The following MAD1L1 variants were observed in gnomAD, a reference collection of about 807,000 sequenced individuals.
MAD1L1 encodes mitotic spindle assembly checkpoint protein MAD1.
In MAD1L1, 95 loss-of-function variants were observed where a neutral mutation model predicts 96.9. The observed-to-expected ratio is 0.98, with a 90% CI of 0.83 to 1.16. MAD1L1 has a LOEUF of 1.16. MAD1L1 is among the 50% of genes most tolerant of loss of function. The pLI is 0.00. For synonymous variants in MAD1L1, 473 were observed against 396.6 expected (o/e 1.19, Z -2.29); for missense variants, 1,007 against 954.4 (o/e 1.06, Z -0.73).
intron 15 of MAD1L1, among the ~76,000 whole-genome samples, chr7:1,979,110 C>T (rs1780777707): frequency 6.6e-6 from 1 of 152,224 alleles, no homozygotes; most frequent in African/African-American, 2.4e-5. Flanking sequence ...GAGGGGCCAT[C>T]CACAGGTGAA....
At chr7:2,223,795 C>A (rs565793353) in intron 4 of MAD1L1, among the ~76,000 whole-genome samples, 2 of 152,188 alleles carry the variant, frequency 1.3e-5, no homozygotes, top group South Asian at 4.1e-4. Flanking sequence ...CCAGTCCCAG[C>A]GCAGACAGGG....
At chr7:2,090,754 A>T (rs148329121) in intron 11 of MAD1L1, among the ~76,000 whole-genome samples, 1 of 152,244 alleles carries the variant, frequency 6.6e-6, no homozygotes, top group East Asian at 1.9e-4. Flanking sequence ...CAGCGTCCCC[A>T]TCATCCCTTG....
rs1387895844 is a variant in MAD1L1, at chr7:1,886,683, G to T, written c.1998+11517C>A. On this transcript the variant is annotated intron_variant, in intron 18 of 18. Coordinates refer to ENST00000265854, the MANE Select transcript of MAD1L1 (RefSeq NM_001013836.2). The stretch of plus-strand genomic sequence containing the variant: ...CCTGGGCCAGCCTGGCAGGAAGGAA[G>T]GCCTGAGCCTGGGCCTGTGATCTGG... Among the ~76,000 whole-genome samples the T allele has an allele frequency of 2.0e-5, 3 of 152,390 alleles. No homozygotes were observed. In the East Asian group the frequency reaches 5.8e-4, roughly 29 times the overall value.
intron 15 of MAD1L1, among the ~76,000 whole-genome samples, chr7:1,971,168 A>G (rs919637884): frequency 6.6e-6 from 1 of 152,220 alleles, no homozygotes; most frequent in Non-Finnish European, 1.5e-5. Context: ...AGATGCACGC[A>G]GTGCCATGCG....
chr7:1,944,804 C>A (rs1350849303), intron 16 of MAD1L1, among the ~76,000 whole-genome samples: 1 of 152,194 alleles, frequency 6.6e-6, no homozygotes, highest in Admixed American at 6.5e-5. Flanking sequence ...CAGGTGACGT[C>A]AGGGTGTGCC....
intron 11 of MAD1L1, among the ~76,000 whole-genome samples, chr7:2,100,067 G>C (rs944191542): frequency 2.0e-5 from 3 of 152,232 alleles, no homozygotes; most frequent in African/African-American, 4.8e-5. Flanking sequence ...AGGGACATGG[G>C]CATTTAATAA....
intron 12 of MAD1L1, among the ~76,000 whole-genome samples, chr7:2,032,220 G>T (rs894356990): frequency 2.0e-5 from 3 of 152,222 alleles, no homozygotes; most frequent in African/African-American, 7.2e-5. Context: ...ATTAAAAAAT[G>T]AACGAGTGAA....
chr7:2,158,400 T>A (rs1383123218), intron 10 of MAD1L1, among the ~76,000 whole-genome samples: 1 of 152,148 alleles, frequency 6.6e-6, no homozygotes, highest in Non-Finnish European at 1.5e-5. Flanking sequence ...GCCATCAAAC[T>A]AATTAGCAAA....
At position 2,191,316 on chromosome 7, in the gene MAD1L1, T is replaced by G. The variant is rs182420439; in HGVS notation, c.986+21896A>C. 3.7e-3 allele frequency among the ~76,000 whole-genome samples: 559 copies of G among 152,264 alleles called. 4 individuals carry two copies. The highest frequency in any genetic ancestry group is 0.031 in the South Asian group (151 of 4,820). On this transcript the variant is annotated intron_variant, in intron 10 of 18. Transcript: ENST00000265854. ...ACAGGCAGCATGAGTCCAGACACAA[T>G]AGCAAACAGCCCTCCTGGAAAAGTG... is the stretch of plus-strand genomic sequence containing the variant.
At chr7:2,177,226 A>G (rs564900764) in intron 10 of MAD1L1, among the ~76,000 whole-genome samples, 1 of 152,316 alleles carries the variant, frequency 6.6e-6, no homozygotes, top group East Asian at 1.9e-4. Context: ...AATTTCAATG[A>G]CCTAAAATGA....
intron 12 of MAD1L1, among the ~76,000 whole-genome samples, chr7:2,037,398 T>G (rs1783488130): frequency 6.6e-6 from 1 of 152,178 alleles, no homozygotes; most frequent in South Asian, 2.1e-4. Flanking sequence ...ATACTGTGCT[T>G]CTTACAAATG....
intron 18 of MAD1L1, among the ~76,000 whole-genome samples, chr7:1,880,484 G>T (rs1034537194): frequency 3.9e-5 from 6 of 152,176 alleles, no homozygotes; most frequent in African/African-American, 1.2e-4. Context: ...AAAGGGCCAT[G>T]GCCAGGCTGC....
rs974808858 is a variant in MAD1L1 at position 1,933,898 on chromosome 7, A to T, written c.1807+2789T>A. On this transcript the variant is annotated intron_variant, in intron 17 of 18. Coordinates refer to ENST00000265854, the MANE Select transcript of MAD1L1 (RefSeq NM_001013836.2). ...GCAGCCAGTTCCTGGGCTGCGTTGGAGTTTTGAGGTGTAACTCAGGCGGGT... is the reference window on the plus strand; with the variant it reads ...GCAGCCAGTTCCTGGGCTGCGTTGGTGTTTTGAGGTGTAACTCAGGCGGGT... Among the ~76,000 whole-genome samples, 8 of 152,028 alleles carry T rather than the reference A, an allele frequency of 5.3e-5. No individual in the cohort carries two copies. The East Asian group carries it at 5.8e-4, about 11-fold the overall frequency.
intron 12 of MAD1L1, among the ~76,000 whole-genome samples, chr7:2,044,682 C>G (rs1053454722): frequency 6.6e-6 from 1 of 152,186 alleles, no homozygotes; most frequent in Non-Finnish European, 1.5e-5. Context: ...TCTTCCTGTA[C>G]AGCGAGGGCG....
At chr7:2,152,252 C>G (rs1250117704) in intron 10 of MAD1L1, among the ~76,000 whole-genome samples, 3 of 152,338 alleles carry the variant, frequency 2.0e-5, no homozygotes, top group South Asian at 2.1e-4. Flanking sequence ...CTCTCAGTCC[C>G]CATGCGACCA....
At chr7:2,154,576 G>C (rs59373690) in intron 10 of MAD1L1, among the ~76,000 whole-genome samples, 2 of 152,034 alleles carry the variant, frequency 1.3e-5, no homozygotes, top group African/African-American at 4.8e-5. Context: ...TTCTGTGCAC[G>C]TAAGAAAATA....
intron 11 of MAD1L1, among the ~76,000 whole-genome samples, chr7:2,077,674 T>C (rs3800876): frequency 0.19 from 28,918 of 152,178 alleles, 3,180 homozygotes; most frequent in Middle Eastern, 0.33. Context: ...AGCAGTGCCG[T>C]TCTGCAGGAG....
intron 10 of MAD1L1, among the ~76,000 whole-genome samples, chr7:2,158,786 G>A (rs34045509): frequency 0.23 from 35,073 of 152,100 alleles, 4,287 homozygotes; most frequent in Middle Eastern, 0.36. Flanking sequence ...GTGTTTTCCT[G>A]AAGACAGGGG....
chr7:1,890,350 C>G (rs547630518), intron 18 of MAD1L1, among the ~76,000 whole-genome samples: 3 of 152,306 alleles, frequency 2.0e-5, no homozygotes, highest in South Asian at 4.1e-4. Flanking sequence ...TTAGTGAGGT[C>G]TCTCTCTGTT....
Sources: allele counts gnomAD v4.1 joint callset (sites outside exome capture counted in the v4.1 genomes callset), GRCh38; gene constraint gnomAD v4.1.1; transcripts MANE v1.5; gene names NCBI Gene and HGNC (gene_info 2026-07-23, HGNC 2026-07-21).